CNGB3: variants seen among roughly 807,000 people sequenced by gnomAD.
The protein encoded by CNGB3 is cyclic nucleotide gated channel subunit beta 3.
CNGB3 carries 86 observed loss-of-function variants against 92.8 expected under a neutral mutation model. That is an observed-to-expected ratio of 0.93 (90% CI 0.78 to 1.11). CNGB3 has a LOEUF of 1.11. Ranked by LOEUF, CNGB3 falls within the 50% of genes least tolerant of loss-of-function variation. The pLI is 0.00. For synonymous variants in CNGB3, 333 were observed against 332.7 expected, an observed-to-expected ratio of 1.00 and a Z score of -0.01; for missense variants, 1,026 against 956.8, an observed-to-expected ratio of 1.07 and a Z score of -0.95.
chr8:86,596,593 A>T (rs576935399), intron 15 of CNGB3, among the ~76,000 whole-genome samples: 1 of 152,356 alleles, frequency 6.6e-6, no homozygotes, highest in East Asian at 1.9e-4. Flanking sequence ...TTAGGCACTT[A>T]TGTGGACCAG....
Position 86,615,241 on chromosome 8 carries a change from G to A in CNGB3, c.1579-3570C>T, listed in dbSNP as rs575924667. Among the ~76,000 whole-genome samples, 4 of 152,186 alleles carry A rather than the reference G, an allele frequency of 2.6e-5. No individual in the cohort carries two copies. In the East Asian group the frequency reaches 5.8e-4, roughly 22 times the overall value. ...CAATACTGAAAAAATTGGAAACAAC[G>A]TACTGTCAATCTATGGGCAGATAAA... is the stretch of plus-strand genomic sequence containing the variant. On this transcript the variant is annotated intron_variant, in intron 13 of 17. Coordinates refer to ENST00000320005, the MANE Select transcript of CNGB3 (RefSeq NM_019098.5).
intron 13 of CNGB3, 92 bp downstream of exon 13, chr8:86,625,891 A>G: frequency 9.7e-7 from 1 of 1,032,012 alleles, no homozygotes; most frequent in Non-Finnish European, 1.5e-6. Context: ...GTTAAAACAT[A>G]AGGCAAAAAA....
chr8:86,618,050 G>A (rs1422314427), intron 13 of CNGB3, among the ~76,000 whole-genome samples: 2 of 152,144 alleles, frequency 1.3e-5, no homozygotes, highest in African/African-American at 2.4e-5. Context: ...GGAATTACCA[G>A]GCATTAGATT....
chr8:86,638,739 C>T (rs938122311), intron 10 of CNGB3, among the ~76,000 whole-genome samples: 1 of 151,996 alleles, frequency 6.6e-6, no homozygotes, highest in Non-Finnish European at 1.5e-5. Flanking sequence ...TATCTGTGAA[C>T]ACATCTGTTG....
chr8:86,721,480 A>T (rs1001453554), intron 3 of CNGB3, among the ~76,000 whole-genome samples: 9 of 152,096 alleles, frequency 5.9e-5, no homozygotes, highest in African/African-American at 2.2e-4. Flanking sequence ...GCTCAGGATG[A>T]TCTCAGAAAT....
At chr8:86,630,475 A>G (rs536570280) in intron 11 of CNGB3, among the ~76,000 whole-genome samples, 25 of 152,324 alleles carry the variant, frequency 1.6e-4, no homozygotes, top group Non-Finnish European at 2.4e-4. Flanking sequence ...TGTATATTCT[A>G]TAATGGATTG....
Position 86,578,864 on chromosome 8 carries a change from C to A in CNGB3, c.1929-1G>T. 1 of 1,614,144 alleles carries A rather than the reference C, an allele frequency of 6.2e-7. No individual in the cohort carries two copies. The highest frequency in any genetic ancestry group is 8.5e-7 in the Non-Finnish European group (1 of 1,180,022). On this transcript the variant is annotated splice_acceptor_variant, in intron 16 of 17. Transcript: ENST00000320005. LOFTEE classifies it high-confidence loss of function. ...CTTAGCCTTCTGCTTTAAAAGCACT[C>A]TGTGGGTAAGAGAGAAAAGCTGTTT... is the stretch of plus-strand genomic sequence containing the variant.
rs571062003 is a variant in CNGB3, at chr8:86,600,640, C to T, written c.1781+3453G>A. On this transcript the variant is annotated intron_variant, in intron 15 of 17. Transcript: ENST00000320005. The stretch of plus-strand genomic sequence containing the variant: ...TTTTTTTTTTTTTGTGACAGAGTCT[C>T]GCCCTGTCACCCAGGCTGGAGCGCA... 5.4e-5 allele frequency among the ~76,000 whole-genome samples: 8 copies of T among 147,142 alleles called. No individual in the cohort carries two copies. The South Asian group carries it at 6.4e-4, about 12-fold the overall frequency.
intron 7 of CNGB3, among the ~76,000 whole-genome samples, chr8:86,649,453 A>G (rs1823356221): frequency 6.6e-6 from 1 of 151,712 alleles, no homozygotes; most frequent in African/African-American, 2.4e-5. Context: ...AAAGTAGTAC[A>G]TAGACCAAAG....
At chr8:86,665,196 C>T (rs1379748388) in intron 6 of CNGB3, among the ~76,000 whole-genome samples, 1 of 152,048 alleles carries the variant, frequency 6.6e-6, no homozygotes, top group African/African-American at 2.4e-5. Flanking sequence ...CAGAGGAATG[C>T]AAATCAAAAC....
At chr8:86,673,674 A>G (rs1823909813) in intron 3 of CNGB3, among the ~76,000 whole-genome samples, 2 of 152,246 alleles carry the variant, frequency 1.3e-5, no homozygotes, top group Non-Finnish European at 2.9e-5. Flanking sequence ...TGGATAATTC[A>G]AAGAAGAAAT....
In CNGB3 at chr8:86,681,412, A is replaced by G. The variant is rs1164827595; in HGVS notation, c.339-10314T>C. On this transcript the variant is annotated intron_variant, in intron 3 of 17. Transcript: ENST00000320005. ...GAGTGTAGCACAGGACAACAGGTGT[A>G]AAAGTACACAAGGAAAGTAAGACAG... Among the ~76,000 whole-genome samples the G allele has an allele frequency of 2.6e-5, 4 of 152,220 alleles. No homozygotes were observed. The East Asian group carries it at 5.8e-4, about 22-fold the overall frequency.
chr8:86,716,558 C>A (rs1175448551), intron 3 of CNGB3, among the ~76,000 whole-genome samples: 1 of 152,138 alleles, frequency 6.6e-6, no homozygotes, highest in Non-Finnish European at 1.5e-5. Flanking sequence ...GGATTGGAAT[C>A]CTATTTTTAG....
At chr8:86,690,656 T>C (rs1415117985) in intron 3 of CNGB3, among the ~76,000 whole-genome samples, 1 of 152,160 alleles carries the variant, frequency 6.6e-6, no homozygotes, top group African/African-American at 2.4e-5. Flanking sequence ...TGAATGATAT[T>C]GCCTAGGTTT....
At chr8:86,694,082 C>G (rs1359856053) in intron 3 of CNGB3, among the ~76,000 whole-genome samples, 1 of 103,730 alleles carries the variant, frequency 9.6e-6, no homozygotes. Context: ...GGGGGCTGAC[C>G]CCCCCACCTC....
At chr8:86,607,353 G>A (rs1323135507) in intron 14 of CNGB3, among the ~76,000 whole-genome samples, 1 of 152,198 alleles carries the variant, frequency 6.6e-6, no homozygotes, top group African/African-American at 2.4e-5. Context: ...TTGTTAGCGT[G>A]TGGACTAATT....
chr8:86,724,580 A>G (rs771047172), intron 3 of CNGB3, among the ~76,000 whole-genome samples: 2 of 152,118 alleles, frequency 1.3e-5, no homozygotes, highest in Non-Finnish European at 2.9e-5. Context: ...GCCATCATGA[A>G]GCACACAATT....
intron 15 of CNGB3, among the ~76,000 whole-genome samples, chr8:86,595,769 A>G (rs1822158382): frequency 6.6e-6 from 1 of 152,192 alleles, no homozygotes; most frequent in Non-Finnish European, 1.5e-5. Context: ...AAAGACCTAA[A>G]AGTCTCCTCT....
chr8:86,652,403 C>A (rs1371318074), intron 7 of CNGB3, among the ~76,000 whole-genome samples: 1 of 151,838 alleles, frequency 6.6e-6, no homozygotes, highest in Non-Finnish European at 1.5e-5. Context: ...ACAATTTTTT[C>A]TTTAATAATA....
Sources: allele counts gnomAD v4.1 joint callset (sites outside exome capture counted in the v4.1 genomes callset), GRCh38; gene constraint gnomAD v4.1.1; transcripts MANE v1.5; gene names NCBI Gene and HGNC (gene_info 2026-07-23, HGNC 2026-07-21).